Variants in SH3D21 observed in about 807,000 individuals in gnomAD.
The protein encoded by SH3D21 is SH3 domain-containing protein 21.
SH3D21 carries 83 observed loss-of-function variants against 82.1 expected under a neutral mutation model. The observed-to-expected ratio is 1.01, with a 90% CI of 0.85 to 1.21. The LOEUF is 1.21. Ranked by LOEUF, SH3D21 falls within the 50% of genes most tolerant of loss-of-function variation. SH3D21 has a pLI of 0.00. For missense variants in SH3D21, 980 were observed against 962.1 expected (o/e 1.02, Z -0.25); for synonymous variants, 383 against 387.8 (o/e 0.99, Z 0.15).
At position 36,320,896 on chromosome 1, in the gene SH3D21, C is replaced by T. The variant is rs1468722838; in HGVS notation, c.2136-19C>T. ...CAGCCCTCACCTGCCCAGCCCCTCACCTCCGCCTCGGCCCGCAGGAGGAAG... is the reference window on the plus strand; with the variant it reads ...CAGCCCTCACCTGCCCAGCCCCTCATCTCCGCCTCGGCCCGCAGGAGGAAG... On this transcript the variant is annotated intron_variant, in intron 14 of 15. Coordinates refer to ENST00000453908, the MANE Select transcript of SH3D21 (RefSeq NM_001162530.2). 4 of 1,557,224 alleles carry T rather than the reference C, an allele frequency of 2.6e-6. No individual in the cohort carries two copies. Among genetic ancestry groups the T allele is most frequent in the East Asian group, 2.4e-5 (1 of 41,758 alleles).
chr1:36,314,621 A>G (rs1276405378), intron 10 of SH3D21, among the ~76,000 whole-genome samples: 1 of 151,792 alleles, frequency 6.6e-6, no homozygotes, highest in Non-Finnish European at 1.5e-5. Context: ...ACACCCGGCT[A>G]ATTTTTTGTA....
At position 36,320,639 on chromosome 1, in the gene SH3D21, C is replaced by G. The variant is rs1646436485; in HGVS notation, c.1976C>G (p.Pro659Arg). Residue 659 changes from proline to arginine, a missense_variant, in exon 14 of 16, where the codon CCT becomes CGT. Transcript: ENST00000453908. ...IERAFAQKTR[P>R]IKPPPDSQET... ...AGAGCCTTTGCCCAAAAAACACGTC[C>G]TATCAAGCCGCCTCCAGACTCCCAA... is the stretch of plus-strand genomic sequence containing the variant. 6.8e-6 allele frequency: 11 copies of G among 1,614,246 alleles called. No individual in the cohort carries two copies. Among genetic ancestry groups the G allele is most frequent in the Non-Finnish European group, 9.3e-6 (11 of 1,180,044 alleles).
At chr1:36,323,156 G>A (rs1019876741), downstream of SH3D21, 6 of 1,157,880 alleles carry the variant, frequency 5.2e-6, no homozygotes, top group Admixed American at 1.5e-4. Flanking sequence ...GGAGCCGCGG[G>A]CCCAGGTTCC....
At chr1:36,327,796 C>T (rs1646560025), downstream of SH3D21, 1 of 1,271,776 alleles carries the variant, frequency 7.9e-7, no homozygotes. Flanking sequence ...AGCACTGCTC[C>T]TGGAGGCCCT....
chr1:36,321,344 G>C lies in SH3D21; in HGVS notation c.*217G>C. 7.1e-7 allele frequency: 1 copy of C among 1,414,758 alleles called. No individual in the cohort carries two copies. Among genetic ancestry groups the C allele is most frequent in the Non-Finnish European group, 9.2e-7 (1 of 1,087,530 alleles). 87.6% of individuals were successfully genotyped at this position (1,414,758 alleles called of 1,614,324 possible). A position where few individuals can be genotyped will look rare whatever the true frequency, so the allele number is the denominator to read the frequency against. Reference sequence around the variant, plus strand: ...TGGCCAACATGTGGCTCCCATTACCGTTCCCAAGGCCTGCGCGCGGCTATT... The same window carrying C: ...TGGCCAACATGTGGCTCCCATTACCCTTCCCAAGGCCTGCGCGCGGCTATT... On this transcript the variant is annotated 3_prime_UTR_variant, in exon 16 of 16. Transcript: ENST00000453908. This position sits in a 1 kb window ranked among gnomAD's most constrained non-coding sequence, Gnocchi z 6.1.
chr1:36,314,038 G>C (rs1476958671), intron 10 of SH3D21, among the ~76,000 whole-genome samples: 28 of 115,892 alleles, frequency 2.4e-4, no homozygotes, highest in Middle Eastern at 0.013. Context: ...GCAGTGGTGC[G>C]ATCTTGGCTC....
rs1345723560 is a variant in SH3D21, at chr1:36,307,912, C to T, written c.493-6C>T. 9 of 1,551,724 alleles carry T rather than the reference C, an allele frequency of 5.8e-6. No individual in the cohort carries two copies. The highest frequency in any genetic ancestry group is 7.0e-6 in the Non-Finnish European group (8 of 1,146,998). On this transcript the variant is annotated splice_region_variant and splice_polypyrimidine_tract_variant and intron_variant, in intron 6 of 15. Coordinates refer to ENST00000453908, the MANE Select transcript of SH3D21 (RefSeq NM_001162530.2). This position sits in a 1 kb window ranked among gnomAD's most constrained non-coding sequence, Gnocchi z 5.4. ...TCTAGTTCCTCCCTGCCCCTTCCCC[C>T]ACTAGCTGAGCAGCCTGGCCTATGA...
chr1:36,308,308 A>G (rs1410996893), intron 8 of SH3D21, 81 bp from the exon 9 acceptor site: 1 of 1,487,194 alleles, frequency 6.7e-7, no homozygotes, highest in Admixed American at 2.0e-5. Flanking sequence ...CGTTGAAATT[A>G]TATCCATAAG....
At chr1:36,324,859 TA>T (rs1646525880), downstream of SH3D21, 1 of 152,208 alleles carries the variant, frequency 6.6e-6, no homozygotes, top group Non-Finnish European at 1.5e-5. Flanking sequence ...TGTCTGTATA[TA>T]AATCTGTGCA....
chr1:36,322,627 G>A, downstream of SH3D21: 1 of 1,545,720 alleles, frequency 6.5e-7, no homozygotes, highest in Non-Finnish European at 8.7e-7. Flanking sequence ...GGCCGCGGGC[G>A]GGGCGCCCAC....
intron 10 of SH3D21, among the ~76,000 whole-genome samples, chr1:36,312,415 T>C (rs1646259814): frequency 6.6e-6 from 1 of 152,260 alleles, no homozygotes; most frequent in Non-Finnish European, 1.5e-5. Flanking sequence ...CATTCTTCTG[T>C]TTATTGCAGG....
intron 10 of SH3D21, among the ~76,000 whole-genome samples, chr1:36,316,386 C>T (rs2124689222): frequency 6.6e-6 from 1 of 152,336 alleles, no homozygotes; most frequent in African/African-American, 2.4e-5. Flanking sequence ...AGGCACGCGC[C>T]ACCACGCCTG....
downstream of SH3D21, among the ~76,000 whole-genome samples, chr1:36,327,496 T>G (rs1329190957): frequency 6.6e-6 from 1 of 152,198 alleles, no homozygotes; most frequent in Non-Finnish European, 1.5e-5. Flanking sequence ...AAATTTTGGA[T>G]CTGTTTCTGT....
In SH3D21 at chr1:36,308,456, T is replaced by C; in HGVS notation, c.707T>C (p.Phe236Ser). The C allele has an allele frequency of 6.4e-7, 1 of 1,551,630 alleles. No homozygotes were observed. The highest frequency in any genetic ancestry group is 1.4e-5 in the African/African-American group (1 of 73,078). The change falls in exon 9 of 16, where the codon TTT becomes TCT. Residue 236 changes from phenylalanine to serine, a missense_variant. Phe to Ser is a radical substitution (Grantham distance 155). Transcript: ENST00000453908. ...QGRRGVFPDN[F>S]VLPPPPIKKL... ...CGAAGAGGAGTTTTTCCAGACAACT[T>C]TGTACTCCCACCACCCCCAGTGAGT...
chr1:36,317,724 TG>T (rs1211866510), intron 10 of SH3D21, among the ~76,000 whole-genome samples: 1 of 152,062 alleles, frequency 6.6e-6, no homozygotes, highest in East Asian at 1.9e-4. Context: ...CCACCATGCC[TG>T]GCTAATTTTT....
Position 36,306,923 on chromosome 1 carries a change from G to T in SH3D21, c.226+18G>T, listed in dbSNP as rs1386020801. 2.3e-6 allele frequency: 3 copies of T among 1,323,704 alleles called. No homozygotes were observed. The highest frequency in any genetic ancestry group is 2.7e-5 in the Admixed American group (1 of 37,452). 82.0% of individuals were successfully genotyped at this position (1,323,704 alleles called of 1,614,324 possible). A position where few individuals can be genotyped will look rare whatever the true frequency, so the allele number is the denominator to read the frequency against. On this transcript the variant is annotated intron_variant, in intron 3 of 15. Coordinates refer to ENST00000453908, the MANE Select transcript of SH3D21 (RefSeq NM_001162530.2). The surrounding 1 kb of genome is among the most constrained non-coding windows in gnomAD (Gnocchi z 4.5). ...CCGCCGAGGTGAGCGCAAGGGCGGG[G>T]ACGGGCGCCGGTGGGCGGGTGCACG...
downstream of SH3D21, chr1:36,327,988 C>T (rs745393242): frequency 1.4e-6 from 1 of 707,100 alleles, no homozygotes; most frequent in Non-Finnish European, 2.2e-6. Context: ...GGCCCTCATC[C>T]CAACTATCCA....
At chr1:36,312,266 G>A (rs183988032) in intron 10 of SH3D21, among the ~76,000 whole-genome samples, 10 of 150,532 alleles carry the variant, frequency 6.6e-5, no homozygotes, top group South Asian at 4.2e-4. Flanking sequence ...CTCATGATCC[G>A]TCCGCCTTGG....
At chr1:36,325,910 G>T (rs1646538892), downstream of SH3D21, among the ~76,000 whole-genome samples, 1 of 152,224 alleles carries the variant, frequency 6.6e-6, no homozygotes, top group Non-Finnish European at 1.5e-5. Flanking sequence ...CCCTCATGGA[G>T]CTGACACTAA....
Sources: gnomAD v4.1 joint callset for allele counts (sites outside exome capture counted in the v4.1 genomes callset) on GRCh38, gnomAD v4.1.1 for gene constraint, Gnocchi (gnomAD v3.1) non-coding constraint, MANE v1.5 for transcripts, NCBI Gene and HGNC (gene_info 2026-07-23, HGNC 2026-07-21) for gene names.